Variants in FHIT observed in about 807,000 individuals in gnomAD.
FHIT encodes the protein bis(5'-adenosyl)-triphosphatase.
FHIT carries 19 observed loss-of-function variants against 17.9 expected under a neutral mutation model. The observed-to-expected ratio is 1.06, with a 90% CI of 0.74 to 1.56. The LOEUF (loss-of-function observed/expected upper bound fraction) is 1.56, where lower values mean the gene tolerates loss of function less well. FHIT is among the 40% of genes most tolerant of loss of function. The probability of loss-of-function intolerance (pLI) is 0.00; values close to 1 mark genes in which losing one functional copy is unlikely to be tolerated. For missense variants in FHIT, 248 were observed against 189.2 expected (o/e 1.31, Z -1.82); for synonymous variants, 81 against 69.7 (o/e 1.16, Z -0.81).
intron 4 of FHIT, among the ~76,000 whole-genome samples, chr3:60,589,830 G>A (rs576156971): frequency 2.6e-5 from 4 of 152,162 alleles, no homozygotes; most frequent in African/African-American, 9.6e-5. Flanking sequence ...GTGCTGACCA[G>A]CAAACATGAA....
chr3:60,705,002 C>T (rs1043071997), intron 4 of FHIT, among the ~76,000 whole-genome samples: 6 of 151,478 alleles, frequency 4.0e-5, no homozygotes, highest in Admixed American at 6.6e-5. Context: ...ATGAACCAAC[C>T]CATAGGTGTT....
At chr3:59,985,080 C>A (rs969117315) in intron 7 of FHIT, among the ~76,000 whole-genome samples, 3 of 152,088 alleles carry the variant, frequency 2.0e-5, no homozygotes, top group Non-Finnish European at 2.9e-5. Flanking sequence ...TCAGGGACAT[C>A]TTCTCTGTGG....
intron 5 of FHIT, among the ~76,000 whole-genome samples, chr3:60,443,674 C>T (rs1404830855): frequency 6.6e-6 from 1 of 152,076 alleles, no homozygotes; most frequent in African/African-American, 2.4e-5. Context: ...ATTCAGTTTG[C>T]CAGTATTTTA....
intron 1 of FHIT, among the ~76,000 whole-genome samples, chr3:61,238,087 A>G (rs2040277533): frequency 6.6e-6 from 1 of 152,196 alleles, no homozygotes; most frequent in Non-Finnish European, 1.5e-5. Flanking sequence ...AATAAACAGC[A>G]CCAACAATTG....
chr3:59,909,342 T>C (rs1357403577), intron 8 of FHIT, among the ~76,000 whole-genome samples: 2 of 151,884 alleles, frequency 1.3e-5, no homozygotes, highest in African/African-American at 4.8e-5. Flanking sequence ...CTACTTTTTA[T>C]TTTTTTAGGT....
intron 1 of FHIT, among the ~76,000 whole-genome samples, chr3:61,224,207 T>C (rs761934201): frequency 6.6e-6 from 1 of 152,210 alleles, no homozygotes; most frequent in Non-Finnish European, 1.5e-5. Context: ...TTCACATATC[T>C]ACAACATTCC....
At chr3:60,918,077 A>G (rs1553767485) in intron 3 of FHIT, among the ~76,000 whole-genome samples, 1 of 152,226 alleles carries the variant, frequency 6.6e-6, no homozygotes, top group African/African-American at 2.4e-5. Context: ...CGTGGTAGTA[A>G]TTAAGTTTCA....
chr3:59,986,248 C>G (rs1350950167), intron 7 of FHIT, among the ~76,000 whole-genome samples: 1 of 151,782 alleles, frequency 6.6e-6, no homozygotes, highest in Non-Finnish European at 1.5e-5. Context: ...CTTAAGATAA[C>G]TGAGAAGCTC....
intron 5 of FHIT, among the ~76,000 whole-genome samples, chr3:60,283,102 C>T (rs4679520): frequency 0.25 from 38,742 of 151,972 alleles, 5,650 homozygotes; most frequent in East Asian, 0.68. Context: ...GAGTAAATAG[C>T]GGCCTCTGTT....
chr3:60,459,612 T>C (rs12486718), intron 5 of FHIT, among the ~76,000 whole-genome samples: 28,895 of 152,196 alleles, frequency 0.19, 2,922 homozygotes, highest in Admixed American at 0.29. Flanking sequence ...AGATTCTAGA[T>C]CTTCTAAACA....
chr3:60,092,438 C>G (rs143456061), intron 5 of FHIT, among the ~76,000 whole-genome samples: 3 of 152,280 alleles, frequency 2.0e-5, no homozygotes, highest in African/African-American at 7.2e-5. Flanking sequence ...CTACATAGTA[C>G]TTTAGAGGTA....
At chr3:61,036,912 TTG>T (rs199796750) in intron 3 of FHIT, among the ~76,000 whole-genome samples, 2 of 106,632 alleles carry the variant, frequency 1.9e-5, no homozygotes, top group South Asian at 3.5e-4. Flanking sequence ...TTTTTTTTTT[TTG>T]TTTGTTTGTT....
intron 2 of FHIT, among the ~76,000 whole-genome samples, chr3:61,168,207 T>C (rs1033568371): frequency 6.6e-6 from 1 of 152,152 alleles, no homozygotes; most frequent in Admixed American, 6.5e-5. Flanking sequence ...TTACCTACTG[T>C]CTAGAGCTGC....
chr3:61,193,457 C>G (rs2107217262), intron 2 of FHIT, among the ~76,000 whole-genome samples: 1 of 152,276 alleles, frequency 6.6e-6, no homozygotes, highest in Middle Eastern at 3.4e-3. Flanking sequence ...GGACAAGAAG[C>G]CTCTCATGGT....
At chr3:60,523,111 C>T (rs575840044) in intron 5 of FHIT, among the ~76,000 whole-genome samples, 16 of 152,078 alleles carry the variant, frequency 1.1e-4, no homozygotes, top group African/African-American at 3.9e-4. Flanking sequence ...TGGGGGAAAC[C>T]ATCCCTGTGA....
At chr3:60,187,634 A>G (rs1054748461) in intron 5 of FHIT, among the ~76,000 whole-genome samples, 8 of 152,208 alleles carry the variant, frequency 5.3e-5, no homozygotes, top group Non-Finnish European at 1.0e-4. Flanking sequence ...ACAAAGCCAG[A>G]AAAACTGAAC....
chr3:59,772,002 C>T (rs1010809855), intron 8 of FHIT, among the ~76,000 whole-genome samples: 5 of 152,164 alleles, frequency 3.3e-5, no homozygotes, highest in Non-Finnish European at 5.9e-5. Flanking sequence ...CTCCAAGGAG[C>T]CCAGCAACTT....
intron 3 of FHIT, among the ~76,000 whole-genome samples, chr3:60,858,545 G>C (rs1046666820): frequency 6.6e-6 from 1 of 152,150 alleles, no homozygotes; most frequent in Non-Finnish European, 1.5e-5. Context: ...TTGTCTACCA[G>C]TGTGGCCTTT....
At chr3:60,317,752 A>G (rs1275047671) in intron 5 of FHIT, among the ~76,000 whole-genome samples, 1 of 148,976 alleles carries the variant, frequency 6.7e-6, no homozygotes, top group Non-Finnish European at 1.5e-5. Flanking sequence ...ACTGGGAAGT[A>G]CTAGTTCAAA....
Sources: allele counts gnomAD v4.1 joint callset (sites outside exome capture counted in the v4.1 genomes callset), GRCh38; gene constraint gnomAD v4.1.1; transcripts MANE v1.5; gene names NCBI Gene and HGNC (gene_info 2026-07-23, HGNC 2026-07-21).